Variants in CDH18 observed in about 807,000 individuals in gnomAD.
CDH18 encodes the protein cadherin-18.
In CDH18, 31 loss-of-function variants were observed where a neutral mutation model predicts 67.9. The observed-to-expected ratio is 0.46, with a 90% confidence interval of 0.34 to 0.62. The LOEUF (loss-of-function observed/expected upper bound fraction) is 0.62, where lower values mean the gene tolerates loss of function less well. Ranked by LOEUF, CDH18 falls within the 20% of genes least tolerant of loss-of-function variation. The pLI is 0.01. For synonymous variants in CDH18, 362 were observed against 347.2 expected, an observed-to-expected ratio of 1.04 and a Z score of -0.48; for missense variants, 890 against 975.5, an observed-to-expected ratio of 0.91 and a Z score of 1.17.
At chr5:20,433,010 GTA>G (rs567070871) in intron 1 of CDH18, among the ~76,000 whole-genome samples, 9 of 148,180 alleles carry the variant, frequency 6.1e-5, no homozygotes, top group Admixed American at 2.7e-4. Flanking sequence ...GTCATTGTGT[GTA>G]TATATATATA....
chr5:20,231,318 G>A (rs898603693), intron 2 of CDH18, among the ~76,000 whole-genome samples: 1 of 152,028 alleles, frequency 6.6e-6, no homozygotes, highest in Non-Finnish European at 1.5e-5. Flanking sequence ...AGAAATTACT[G>A]GATAATATCG....
rs1478096421 is a variant in CDH18 at position 20,090,153 on chromosome 5, C to T, written c.-517-98139G>A. Among the ~76,000 whole-genome samples, 4 of 152,106 alleles carry T rather than the reference C, an allele frequency of 2.6e-5. No homozygotes were observed. In the South Asian group the frequency reaches 6.2e-4, roughly 24 times the overall value. The stretch of plus-strand genomic sequence containing the variant: ...TGATAAAAATACACAAGAAAGTGGA[C>T]AACATTAGGATCTTTGAAAAAACTA... On this transcript the variant is annotated intron_variant, in intron 2 of 14. Transcript: ENST00000507958.
chr5:20,056,432 G>T (rs1209579470), intron 2 of CDH18, among the ~76,000 whole-genome samples: 5 of 60,854 alleles, frequency 8.2e-5, no homozygotes, highest in Admixed American at 5.3e-4. Flanking sequence ...TCCTCTATAT[G>T]TTCTCACTTT....
rs768834587 is a variant in CDH18, at chr5:19,543,849, T to C, written c.1390+20A>G. 4.5e-6 allele frequency: 7 copies of C among 1,542,030 alleles called. No homozygotes were observed. Among genetic ancestry groups the C allele is most frequent in the Middle Eastern group, 1.7e-4 (1 of 5,728 alleles). ...CTTGTACAAGTGACATCTTTTACTG[T>C]GATACATAAAGTAGTTTACCAATTT... On this transcript the variant is annotated intron_variant, in intron 9 of 12. Coordinates refer to ENST00000382275, the MANE Select transcript of CDH18 (RefSeq NM_004934.5).
chr5:20,169,184 C>T (rs1186907901), intron 2 of CDH18, among the ~76,000 whole-genome samples: 2 of 152,094 alleles, frequency 1.3e-5, no homozygotes, highest in East Asian at 1.9e-4. Context: ...GGGATGGATA[C>T]CCCATTCTCC....
rs1187304354 is a variant in CDH18 at position 20,170,795 on chromosome 5, A to G, written c.-518+84649T>C. ...CAGGGTTTTTTGTACAGATTATTTA[A>G]TCACCCAGATACTAAGCCTTGTACC... is the stretch of plus-strand genomic sequence containing the variant. On this transcript the variant is annotated intron_variant, in intron 2 of 14. Coordinates refer to the CDH18 transcript ENST00000507958. Among the ~76,000 whole-genome samples the G allele has an allele frequency of 4.0e-5, 6 of 151,880 alleles. No homozygotes were observed. In the South Asian group the frequency reaches 6.2e-4, roughly 16 times the overall value.
At chr5:19,970,126 C>A (rs1352569262) in intron 2 of CDH18, among the ~76,000 whole-genome samples, 6 of 151,546 alleles carry the variant, frequency 4.0e-5, no homozygotes, top group Non-Finnish European at 8.8e-5. Flanking sequence ...AGTAAAGAAC[C>A]ATTGAGAAAC....
chr5:20,451,678 T>G (rs2150207856), intron 1 of CDH18, among the ~76,000 whole-genome samples: 1 of 152,268 alleles, frequency 6.6e-6, no homozygotes, highest in East Asian at 1.9e-4. Context: ...TTCCAATTAA[T>G]GTTTCAAAAA....
rs576824190 is a variant in CDH18, at chr5:20,425,415, CA to C, written c.-580+150046del. 5.2e-3 allele frequency among the ~76,000 whole-genome samples: 773 copies of C among 148,240 alleles called. 9 individuals carry two copies. Among genetic ancestry groups the C allele is most frequent in the South Asian group, 9.9e-3 (47 of 4,740 alleles). On this transcript the variant is annotated intron_variant, in intron 1 of 14. Coordinates refer to the CDH18 transcript ENST00000507958. ...AGGCAATATAAACTCTAGAAAAAAA[CA>C]AAAAAAAGAAAGAAAAGAAAGATAA... is the stretch of plus-strand genomic sequence containing the variant.
intron 1 of CDH18, among the ~76,000 whole-genome samples, chr5:20,323,212 A>G (rs1738202896): frequency 6.6e-6 from 1 of 152,154 alleles, no homozygotes; most frequent in African/African-American, 2.4e-5. Flanking sequence ...GTATTTGTTC[A>G]TTAGAATACA....
intron 2 of CDH18, among the ~76,000 whole-genome samples, chr5:20,164,531 T>G (rs2126624713): frequency 6.6e-6 from 1 of 152,160 alleles, no homozygotes; most frequent in South Asian, 2.1e-4. Flanking sequence ...CAGGTCGGCC[T>G]CCCAAAGTGC....
chr5:20,096,993 T>C (rs1160696840), intron 2 of CDH18, among the ~76,000 whole-genome samples: 1 of 152,138 alleles, frequency 6.6e-6, no homozygotes. Context: ...GGATACTCAA[T>C]TGAATACTGA....
At chr5:20,559,447 T>C (rs1220254005) in intron 1 of CDH18, among the ~76,000 whole-genome samples, 1 of 152,122 alleles carries the variant, frequency 6.6e-6, no homozygotes, top group East Asian at 1.9e-4. Context: ...GGATATTATA[T>C]CATACATCTA....
rs1290031716 is a variant in CDH18 at position 19,591,215 on chromosome 5, C to A, written c.841G>T (p.Ala281Ser). ...TTCCCAACAGCTGAACCAACTTGAG[C>A]TGACTCAGGAACATATAGCTGATAG... ...KHYQLYVPES[A>S]QVGSAVGKIK... Residue 281 changes from alanine to serine, a missense_variant, in exon 7 of 13, where the codon GCT becomes TCT. Ala to Ser is a moderately conservative substitution (Grantham distance 99, BLOSUM62 1). Coordinates refer to ENST00000382275, the MANE Select transcript of CDH18 (RefSeq NM_004934.5). 2 of 1,611,436 alleles carry A rather than the reference C, an allele frequency of 1.2e-6. No individual in the cohort carries two copies. The highest frequency in any genetic ancestry group is 8.5e-7 in the Non-Finnish European group (1 of 1,178,610).
intron 3 of CDH18, among the ~76,000 whole-genome samples, chr5:19,824,646 T>C (rs1780224327): frequency 6.6e-6 from 1 of 152,166 alleles, no homozygotes; most frequent in Admixed American, 6.5e-5. Context: ...TTGGTGCCTG[T>C]GAGTAGTAAG....
intron 2 of CDH18, among the ~76,000 whole-genome samples, chr5:19,935,101 C>T (rs945575184): frequency 6.6e-6 from 1 of 151,160 alleles, no homozygotes; most frequent in Non-Finnish European, 1.5e-5. Flanking sequence ...TCATTGTTAG[C>T]TGACTCTTTG....
chr5:20,383,214 T>C (rs1744057810), intron 1 of CDH18, among the ~76,000 whole-genome samples: 1 of 152,160 alleles, frequency 6.6e-6, no homozygotes, highest in Non-Finnish European at 1.5e-5. Flanking sequence ...ATATTGTATA[T>C]CTTATCATAA....
chr5:20,487,873 G>A lies in CDH18; in HGVS notation c.-580+87589C>T, dbSNP rs1753300371. On this transcript the variant is annotated intron_variant, in intron 1 of 14. Coordinates refer to the CDH18 transcript ENST00000507958. ...ATTTTAATATCACGAAGATAAATTA[G>A]CCATGTTTAATTTTCTTAGATTTCC... Among the ~76,000 whole-genome samples the A allele has an allele frequency of 2.0e-5, 3 of 151,872 alleles. 1 individual carries two copies. The South Asian group carries it at 6.2e-4, about 32-fold the overall frequency.
At position 19,473,067 on chromosome 5, in the gene CDH18, AC is replaced by A. The variant is rs1737803443; in HGVS notation, c.*158del. On this transcript the variant is annotated 3_prime_UTR_variant, in exon 13 of 13. Coordinates refer to ENST00000382275, the MANE Select transcript of CDH18 (RefSeq NM_004934.5). ...TTTTTTACTTTCTTCCAATTAAATAACCCAGTTTCGATCATGAAAAGGGCAC... is the reference window on the plus strand; with the variant it reads ...TTTTTTACTTTCTTCCAATTAAATAACCAGTTTCGATCATGAAAAGGGCAC... 4 of 711,484 alleles carry A rather than the reference AC, an allele frequency of 5.6e-6. No individual in the cohort carries two copies. The Admixed American group carries it at 1.1e-4, about 19-fold the overall frequency. The allele number at this position is 711,484 out of a possible 1,614,324, so 44.1% of individuals were successfully genotyped here.
Sources: allele counts gnomAD v4.1 joint callset (sites outside exome capture counted in the v4.1 genomes callset), GRCh38; gene constraint gnomAD v4.1.1; transcripts MANE v1.5; gene names NCBI Gene and HGNC (gene_info 2026-07-23, HGNC 2026-07-21).